Variants in UPK1A observed in about 807,000 individuals in gnomAD.
UPK1A encodes uroplakin-1a.
UPK1A carries 31 observed loss-of-function variants against 32.3 expected under a neutral mutation model. The ratio of observed to expected loss-of-function variants is 0.96; its 90% CI spans 0.72 to 1.30. The LOEUF is 1.30. Among genes scored for constraint, UPK1A ranks in the 50% most tolerant of loss-of-function variants. The pLI, the probability that UPK1A is intolerant of heterozygous loss-of-function variation, is 0.00. For synonymous variants in UPK1A, 135 were observed against 137.1 expected, an observed-to-expected ratio of 0.98 and a Z score of 0.11; for missense variants, 340 against 357.4, an observed-to-expected ratio of 0.95 and a Z score of 0.39.
At chr19:35,676,576 A>G (rs73602803) in intron 6 of UPK1A, among the ~76,000 whole-genome samples, 15,201 of 151,860 alleles carry the variant, frequency 0.1, 888 homozygotes, top group East Asian at 0.2. Flanking sequence ...CCTGGCACCT[A>G]CAACTTTACT....
At chr19:35,668,310 G>A (rs771286347) in intron 2 of UPK1A, 144 bp from the exon 3 acceptor site, 16 of 961,962 alleles carry the variant, frequency 1.7e-5, no homozygotes, top group African/African-American at 9.7e-5. Flanking sequence ...CACCCTCATC[G>A]CTGCTCATGG....
At chr19:35,674,010 G>A (rs1328979380) in intron 5 of UPK1A, among the ~76,000 whole-genome samples, 6 of 151,260 alleles carry the variant, frequency 4.0e-5, no homozygotes, top group African/African-American at 1.2e-4. Context: ...TGATCCTCCC[G>A]CCTCAGCTTC....
chr19:35,673,252 C>T, exon 4 of UPK1A: 1 of 1,614,114 alleles, frequency 6.2e-7, no homozygotes, highest in Non-Finnish European at 8.5e-7. Flanking sequence ...TCATGCTCAT[C>T]GTCTACATCT....
At chr19:35,675,967 C>A (rs1373462316) in exon 6 of UPK1A, 33 of 1,613,940 alleles carry the variant, frequency 2.0e-5, no homozygotes, top group Non-Finnish European at 2.7e-5. Context: ...AACTTCATCC[C>A]CCTCAACGAG....
intron 3 of UPK1A, among the ~76,000 whole-genome samples, chr19:35,670,434 C>T (rs1036381690): frequency 9.4e-6 from 1 of 106,092 alleles, no homozygotes; most frequent in African/African-American, 3.7e-5. Flanking sequence ...CGTTTTTCTA[C>T]ACAGGCAGGT....
At chr19:35,677,008 G>A (rs1968191269) in intron 6 of UPK1A, among the ~76,000 whole-genome samples, 1 of 151,816 alleles carries the variant, frequency 6.6e-6, no homozygotes, top group Non-Finnish European at 1.5e-5. Context: ...CATCACTTGA[G>A]GTCAGAAGCT....
At chr19:35,670,204 G>T (rs1244627980) in intron 3 of UPK1A, among the ~76,000 whole-genome samples, 1 of 152,218 alleles carries the variant, frequency 6.6e-6, no homozygotes, top group African/African-American at 2.4e-5. Context: ...GTCCAAAGCA[G>T]CTGGAGCTGA....
chr19:35,666,632 G>T, intron 1 of UPK1A, 94 bp downstream of exon 1: 1 of 606,774 alleles, frequency 1.6e-6, no homozygotes, highest in Non-Finnish European at 2.9e-6. Context: ...CTGCCCCACC[G>T]GAGCCCGGGT....
exon 7 of UPK1A, chr19:35,677,817 C>T: frequency 1.2e-6 from 2 of 1,612,172 alleles, no homozygotes; most frequent in Non-Finnish European, 1.7e-6. Context: ...CCCAGGGCTG[C>T]TTCGAACACA....
chr19:35,666,965 G>T, intron 2 of UPK1A, 69 bp downstream of exon 2: 1 of 1,532,230 alleles, frequency 6.5e-7, no homozygotes, highest in Non-Finnish European at 9.0e-7. Context: ...TGAGCTCGGG[G>T]TGGGGGATGA....
At chr19:35,667,014 C>T (rs1968009160) in intron 2 of UPK1A, 118 bp downstream of exon 2, 7 of 1,004,002 alleles carry the variant, frequency 7.0e-6, no homozygotes, top group Non-Finnish European at 1.1e-5. Context: ...CAGTGGTCAG[C>T]ACAGCCTGGG....
At chr19:35,666,988 G>A (rs1050604633) in intron 2 of UPK1A, 92 bp downstream of exon 2, 1 of 1,327,442 alleles carries the variant, frequency 7.5e-7, no homozygotes, top group Non-Finnish European at 1.1e-6. Flanking sequence ...GTCCAGAACT[G>A]TCTCTCGGGC....
intron 3 of UPK1A, among the ~76,000 whole-genome samples, chr19:35,669,904 T>G (rs1223731594): frequency 6.6e-6 from 1 of 152,086 alleles, no homozygotes; most frequent in Non-Finnish European, 1.5e-5. Context: ...ACTCATTTGA[T>G]GAACAAATGC....
chr19:35,677,853 G>A (rs781012440), exon 7 of UPK1A: 6 of 1,612,108 alleles, frequency 3.7e-6, no homozygotes, highest in Admixed American at 3.3e-5. Context: ...ACAGCTACAC[G>A]TGGGGTATCT....
At chr19:35,666,695 G>C in intron 1 of UPK1A, 114 bp from the exon 2 acceptor site, 1 of 1,065,604 alleles carries the variant, frequency 9.4e-7, no homozygotes, top group East Asian at 2.4e-5. Flanking sequence ...ATCAGTACCA[G>C]CCTGGGCCCC....
At chr19:35,667,357 G>A (rs912056967) in intron 2 of UPK1A, among the ~76,000 whole-genome samples, 34 of 151,000 alleles carry the variant, frequency 2.3e-4, no homozygotes, top group African/African-American at 4.7e-4. Context: ...TTTTTGAGAC[G>A]GAGTCTCACT....
At chr19:35,678,063 C>A in exon 8 of UPK1A, 1 of 1,524,968 alleles carries the variant, frequency 6.6e-7, no homozygotes, top group East Asian at 2.3e-5. Context: ...GACTCCTCCG[C>A]ATCCTCCTCC....
intron 3 of UPK1A, among the ~76,000 whole-genome samples, chr19:35,672,548 G>C (rs777426327): frequency 6.6e-5 from 10 of 151,766 alleles, no homozygotes; most frequent in Non-Finnish European, 1.3e-4. Context: ...GATTACAGGC[G>C]TAAGCCACTG....
intron 5 of UPK1A, 28 bp from the exon 6 acceptor site, chr19:35,675,812 C>T: frequency 3.2e-6 from 5 of 1,583,000 alleles, no homozygotes; most frequent in Non-Finnish European, 4.3e-6. Context: ...GAGCCCGAGC[C>T]TGCCTGACCC....
Sources: gnomAD v4.1 joint callset for allele counts (sites outside exome capture counted in the v4.1 genomes callset) on GRCh38, gnomAD v4.1.1 for gene constraint, MANE v1.5 for transcripts, NCBI Gene and HGNC (gene_info 2026-07-23, HGNC 2026-07-21) for gene names.